Variants in SMC3 observed in about 807,000 individuals in gnomAD.
SMC3 encodes the protein structural maintenance of chromosomes protein 3.
In SMC3, 20 loss-of-function variants were observed where a neutral mutation model predicts 171.8. That is an observed-to-expected ratio of 0.12 (90% CI 0.08 to 0.17). SMC3 has a LOEUF of 0.17. SMC3 is among the 10% of genes least tolerant of loss of function. The pLI, the probability that SMC3 is intolerant of heterozygous loss-of-function variation, is 1.00. For missense variants in SMC3, 543 were observed against 1,420.4 expected (o/e 0.38, Z 9.93); for synonymous variants, 464 against 451.1 (o/e 1.03, Z -0.36).
chr10:110,587,906 T>C (rs905323399), intron 13 of SMC3, among the ~76,000 whole-genome samples: 61 of 152,208 alleles, frequency 4.0e-4, no homozygotes, highest in Admixed American at 3.5e-3. Context: ...TGTTAACTCT[T>C]TTATGGTTTC....
At chr10:110,575,108 C>G (rs1213242497) in intron 3 of SMC3, among the ~76,000 whole-genome samples, 2 of 151,988 alleles carry the variant, frequency 1.3e-5, no homozygotes, top group Non-Finnish European at 2.9e-5. Context: ...ATTTCCTTAC[C>G]TTAAATGTTT....
At chr10:110,576,711 C>A (rs970722230) in intron 4 of SMC3, among the ~76,000 whole-genome samples, 1 of 140,356 alleles carries the variant, frequency 7.1e-6, no homozygotes, top group Non-Finnish European at 1.7e-5. Flanking sequence ...TAGAAAAATT[C>A]TTTTTAGGTT....
intron 16 of SMC3, 136 bp downstream of exon 16, chr10:110,590,708 G>A: frequency 1.3e-6 from 1 of 771,310 alleles, no homozygotes; most frequent in Non-Finnish European, 2.1e-6. Flanking sequence ...AATTAAAGAA[G>A]TAGATGCTAA....
At chr10:110,582,239 G>GT (rs1564789957) in intron 9 of SMC3, 141 bp downstream of exon 9, 1 of 768,020 alleles carries the variant, frequency 1.3e-6, no homozygotes, top group South Asian at 1.7e-5. Context: ...TAGTCAGCAA[G>GT]TTTTTTTAGT....
chr10:110,578,846 A>G, intron 7 of SMC3, 140 bp downstream of exon 7: 1 of 664,902 alleles, frequency 1.5e-6, no homozygotes, highest in Non-Finnish European at 2.7e-6. Context: ...AGTACCAAAT[A>G]GGTCCATTGC....
At chr10:110,590,052 ATAAT>A in intron 15 of SMC3, 61 bp downstream of exon 15, 2 of 1,446,476 alleles carry the variant, frequency 1.4e-6, no homozygotes, top group Non-Finnish European at 1.9e-6. Context: ...TCGTTATGTA[ATAAT>A]TTTTTACCTT....
chr10:110,594,119 G>T (rs1861255601), intron 18 of SMC3, among the ~76,000 whole-genome samples: 1 of 131,752 alleles, frequency 7.6e-6, no homozygotes, highest in Non-Finnish European at 1.6e-5. Context: ...TATAGCAGGG[G>T]TTCTTAACCT....
At chr10:110,585,062 G>GA in intron 13 of SMC3, among the ~76,000 whole-genome samples, 1 of 152,036 alleles carries the variant, frequency 6.6e-6, no homozygotes, top group African/African-American at 2.4e-5. Flanking sequence ...GCCCAGGCTA[G>GA]AGTGCAATGG....
rs1425093664 is a variant in SMC3, at chr10:110,589,622, T to C, written c.1323T>C (p.Leu441=). The change falls in exon 14 of 29, where the codon CTT becomes CTC. Residue 441 remains leucine, a synonymous_variant. Transcript: ENST00000361804. ...TTCCATAGAAACTGGACCAGGATCT[T>C]AATGAAGTCAAAGCTCGAGTAGAAG... ...LEQYNKLDQD[L]NEVKARVEEL... The C allele has an allele frequency of 1.2e-6, 2 of 1,605,948 alleles. No individual in the cohort carries two copies. The highest frequency in any genetic ancestry group is 2.7e-5 in the African/African-American group (2 of 74,752).
intron 1 of SMC3, chr10:110,568,429 C>G: frequency 6.0e-6 from 1 of 166,800 alleles, no homozygotes. Context: ...TCTTCCCGCG[C>G]GGGACTCCAC....
At chr10:110,590,868 T>A in intron 16 of SMC3, 123 bp from the exon 17 acceptor site, 1 of 888,604 alleles carries the variant, frequency 1.1e-6, no homozygotes. Flanking sequence ...TTATAACATT[T>A]TAAAAGTGCA....
intron 18 of SMC3, among the ~76,000 whole-genome samples, chr10:110,594,061 G>C (rs376437586): frequency 3.3e-5 from 5 of 150,556 alleles, no homozygotes; most frequent in African/African-American, 1.2e-4. Flanking sequence ...TAAGAGTCCA[G>C]ACAGGGTTCG....
chr10:110,599,929 G>T, intron 21 of SMC3, 117 bp downstream of exon 21: 5 of 1,007,608 alleles, frequency 5.0e-6, no homozygotes, highest in Non-Finnish European at 7.6e-6. Context: ...TTAAAATGAG[G>T]CTTGGACTTT....
At chr10:110,570,160 G>A (rs556640421) in intron 2 of SMC3, among the ~76,000 whole-genome samples, 21 of 152,260 alleles carry the variant, frequency 1.4e-4, no homozygotes, top group African/African-American at 4.6e-4. Context: ...TGCTCACATG[G>A]CCCCATCCTC....
intron 13 of SMC3, among the ~76,000 whole-genome samples, chr10:110,585,531 C>T (rs999430534): frequency 1.3e-5 from 2 of 148,592 alleles, no homozygotes; most frequent in Admixed American, 1.3e-4. Context: ...CCTCGAGATC[C>T]ACCCACCTCA....
At chr10:110,589,156 G>C (rs753262101) in intron 13 of SMC3, among the ~76,000 whole-genome samples, 2 of 152,072 alleles carry the variant, frequency 1.3e-5, no homozygotes, top group African/African-American at 2.4e-5. Flanking sequence ...TTGGGAGGCC[G>C]AGACGGGCGG....
At chr10:110,575,229 G>A (rs979165767) in intron 3 of SMC3, 107 bp from the exon 4 acceptor site, 22 of 788,766 alleles carry the variant, frequency 2.8e-5, no homozygotes, top group African/African-American at 1.2e-4. Context: ...TAATTTATTT[G>A]CATTGTCTAT....
At position 110,590,858 on chromosome 10, in the gene SMC3, T is replaced by G. The variant is rs78495278; in HGVS notation, c.1671-133T>G. On this transcript the variant is annotated intron_variant, in intron 16 of 28. Transcript: ENST00000361804. ...AAAAAACTGTTTGATGCTTAAGTGT[T>G]TATAACATTTTAAAAGTGCACACCT... 2.4e-3 allele frequency: 2,001 copies of G among 829,690 alleles called. 44 individuals carry two copies. In the East Asian group the frequency reaches 0.041, roughly 17 times the overall value. 51.4% of individuals were successfully genotyped at this position (829,690 alleles called of 1,614,324 possible).
chr10:110,593,880 C>A (rs1201796950), intron 18 of SMC3, among the ~76,000 whole-genome samples: 1 of 151,786 alleles, frequency 6.6e-6, no homozygotes, highest in East Asian at 1.9e-4. Context: ...CCCAACAACT[C>A]AGAAGGCTGA....
Sources: gnomAD v4.1 joint callset for allele counts (sites outside exome capture counted in the v4.1 genomes callset) on GRCh38, gnomAD v4.1.1 for gene constraint, MANE v1.5 for transcripts, NCBI Gene and HGNC (gene_info 2026-07-23, HGNC 2026-07-21) for gene names.